Variants in TDRD3 observed in about 807,000 individuals in gnomAD.
TDRD3 encodes the protein tudor domain containing 3, also known as tudor domain-containing protein 3.
TDRD3 carries 45 observed loss-of-function variants against 86.7 expected under a neutral mutation model. The ratio of observed to expected loss-of-function variants is 0.52; its 90% CI spans 0.41 to 0.67. The LOEUF is 0.67. TDRD3 is among the 30% of genes least tolerant of loss of function. The pLI, the probability that TDRD3 is intolerant of heterozygous loss-of-function variation, is 0.00. For missense variants in TDRD3, 814 were observed against 889.0 expected (o/e 0.92, Z 1.07); for synonymous variants, 298 against 301.7 (o/e 0.99, Z 0.13).
chr13:60,485,526 C>G (rs1956412416), intron 6 of TDRD3, among the ~76,000 whole-genome samples: 1 of 152,036 alleles, frequency 6.6e-6, no homozygotes, highest in South Asian at 2.1e-4. Flanking sequence ...AATGAAGGCT[C>G]TCTTGATCCA....
intron 1 of TDRD3, among the ~76,000 whole-genome samples, chr13:60,432,596 G>C (rs1954981095): frequency 6.6e-6 from 1 of 152,046 alleles, no homozygotes; most frequent in Admixed American, 6.6e-5. Context: ...TTACACTATG[G>C]AGAGAGAAAC....
intron 8 of TDRD3, 129 bp from the exon 9 acceptor site, chr13:60,509,631 ATGT>A (rs1394806381): frequency 9.0e-7 from 1 of 1,117,156 alleles, no homozygotes; most frequent in Admixed American, 2.2e-5. Context: ...CAGCAAGAGA[ATGT>A]TGTATTAGAA....
intron 12 of TDRD3, chr13:60,537,890 A>T (rs566915758): frequency 1.3e-5 from 2 of 152,096 alleles, no homozygotes; most frequent in East Asian, 1.9e-4. Flanking sequence ...AGATTTTTTT[A>T]AACTAGTTTG....
chr13:60,466,964 ATGTG>A (rs1015388121), intron 4 of TDRD3, among the ~76,000 whole-genome samples: 3 of 151,858 alleles, frequency 2.0e-5, no homozygotes, highest in Admixed American at 6.6e-5. Flanking sequence ...AGAGCTTCAA[ATGTG>A]TGTGTGTTTT....
intron 3 of TDRD3, among the ~76,000 whole-genome samples, chr13:60,445,000 C>T (rs149531809): frequency 1.8e-3 from 274 of 151,818 alleles, no homozygotes; most frequent in Admixed American, 4.9e-3. Context: ...CTTACATGAA[C>T]GGTGAGACTT....
chr13:60,567,122 C>T (rs1473404690), intron 12 of TDRD3, among the ~76,000 whole-genome samples: 2 of 152,158 alleles, frequency 1.3e-5, no homozygotes, highest in Non-Finnish European at 2.9e-5. Context: ...ATGATAAATA[C>T]CTAGAAACAT....
Position 60,529,174 on chromosome 13 carries a change from A to C in TDRD3, c.1949A>C (p.Lys650Thr), listed in dbSNP as rs900053966. The C allele has an allele frequency of 6.8e-6, 11 of 1,609,020 alleles. No homozygotes were observed. Among genetic ancestry groups the C allele is most frequent in the Non-Finnish European group, 9.3e-6 (11 of 1,178,178 alleles). ...CCTATGGAGTATGCAAAAATGTGGA[A>C]ACCTGGAGATGAATGTTTTGCACTT... Reference protein sequence around the residue: ...SIPMEYAKMWKPGDECFALYW... With the variant: ...SIPMEYAKMWTPGDECFALYW... Residue 650 changes from lysine to threonine, a missense_variant, in exon 11 of 14, where the codon AAA (lysine) becomes ACA (threonine). By Grantham distance (78) the Lys-to-Thr change is moderately conservative. Coordinates refer to ENST00000377881, the MANE Select transcript of TDRD3 (RefSeq NM_001146070.2).
intron 12 of TDRD3, chr13:60,547,475 T>A (rs2137882016): frequency 1.1e-6 from 1 of 918,068 alleles, no homozygotes; most frequent in South Asian, 5.0e-5. Context: ...TGCCACTTAC[T>A]ACCTATGTGA....
intron 11 of TDRD3, among the ~76,000 whole-genome samples, 178 bp from the exon 12 acceptor site, chr13:60,534,927 CAAA>C (rs75394722): frequency 9.1e-5 from 5 of 54,708 alleles, no homozygotes; most frequent in Admixed American, 2.1e-4. Context: ...GACCCTGTCT[CAAA>C]AAAAAAAAAA....
intron 7 of TDRD3, among the ~76,000 whole-genome samples, chr13:60,491,041 C>T (rs1956574793): frequency 6.7e-6 from 1 of 149,524 alleles, no homozygotes; most frequent in African/African-American, 2.5e-5. Context: ...CGCTTGAACC[C>T]AGGCAGAGGT....
intron 12 of TDRD3, among the ~76,000 whole-genome samples, chr13:60,559,730 C>A (rs1288673672): frequency 2.0e-5 from 3 of 152,036 alleles, no homozygotes; most frequent in Non-Finnish European, 4.4e-5. Flanking sequence ...TTGCCAGGAG[C>A]AGAGGGTGAG....
chr13:60,454,087 A>T (rs187241244), intron 3 of TDRD3, among the ~76,000 whole-genome samples: 2 of 152,100 alleles, frequency 1.3e-5, no homozygotes, highest in Non-Finnish European at 2.9e-5. Context: ...ATATTTTTCA[A>T]TTAACCTTAT....
chr13:60,439,006 C>T lies in TDRD3; in HGVS notation c.42-682C>T, dbSNP rs535604461. 6.4e-4 allele frequency among the ~76,000 whole-genome samples: 97 copies of T among 151,952 alleles called. 1 individual carries two copies. The highest frequency in any genetic ancestry group is 2.2e-3 in the African/African-American group (90 of 41,476). On this transcript the variant is annotated intron_variant, in intron 1 of 13. Transcript: ENST00000377881. ...GGTATGGGTAGAGACGAATTTTTTTCCTTCAGATTCAGTAATCTCTTTACT... is the reference window on the plus strand; with the variant it reads ...GGTATGGGTAGAGACGAATTTTTTTTCTTCAGATTCAGTAATCTCTTTACT...
intron 7 of TDRD3, among the ~76,000 whole-genome samples, chr13:60,493,528 T>G (rs1011926998): frequency 1.8e-4 from 27 of 152,120 alleles, no homozygotes; most frequent in African/African-American, 6.3e-4. Context: ...CGGGTGGTAG[T>G]GGCACATACC....
At chr13:60,552,986 AG>A (rs1173083238) in intron 12 of TDRD3, among the ~76,000 whole-genome samples, 2 of 152,204 alleles carry the variant, frequency 1.3e-5, no homozygotes, top group Non-Finnish European at 2.9e-5. Flanking sequence ...CTGTGATGGA[AG>A]GGGATGTCTC....
At chr13:60,516,453 T>C (rs1055478796) in intron 10 of TDRD3, among the ~76,000 whole-genome samples, 3 of 152,244 alleles carry the variant, frequency 2.0e-5, no homozygotes, top group African/African-American at 7.2e-5. Flanking sequence ...TTGACGTTTT[T>C]ATTAATATTC....
At chr13:60,497,446 C>T (rs1056862982) in intron 8 of TDRD3, among the ~76,000 whole-genome samples, 2 of 152,116 alleles carry the variant, frequency 1.3e-5, no homozygotes, top group African/African-American at 2.4e-5. Flanking sequence ...CCTGATTGGT[C>T]GGGTGTGAAC....
rs1181504710 is a variant in TDRD3 at position 60,397,379 on chromosome 13, C to T, written c.15C>T (p.Ala5=). 2.7e-6 allele frequency: 4 copies of T among 1,496,398 alleles called. No individual in the cohort carries two copies. The highest frequency in any genetic ancestry group is 1.4e-5 in the African/African-American group (1 of 70,272). The allele number at this position is 1,496,398 out of a possible 1,614,324, so 92.7% of individuals were successfully genotyped here. A position where few individuals can be genotyped will look rare whatever the true frequency, so the allele number is the denominator to read the frequency against. ...AAGCAGCTACCATGGCCCAGGTGGC[C>T]GGCGCGGCGTTGTCCCAGGCGGGTT... The part of the protein sequence containing the change: MAQV[A]GAALSQAGWY... Residue 5 remains alanine (A), a synonymous_variant, in exon 1 of 14, where the codon GCC becomes GCT. Transcript: ENST00000377881.
intron 1 of TDRD3, among the ~76,000 whole-genome samples, chr13:60,436,730 C>G (rs1312267458): frequency 1.3e-5 from 2 of 152,096 alleles, no homozygotes; most frequent in Non-Finnish European, 2.9e-5. Flanking sequence ...TGAAAGAAAT[C>G]ACATATTTGA....
Sources: gnomAD v4.1 joint callset for allele counts (sites outside exome capture counted in the v4.1 genomes callset) on GRCh38, gnomAD v4.1.1 for gene constraint, MANE v1.5 for transcripts, NCBI Gene and HGNC (gene_info 2026-07-23, HGNC 2026-07-21) for gene names.